ACSM3: variants seen among roughly 807,000 people sequenced by gnomAD.
ACSM3 encodes the protein acyl-coenzyme A synthetase ACSM3, mitochondrial.
A neutral mutation model predicts 74.1 loss-of-function variants in ACSM3; 61 were observed. That is an observed-to-expected ratio of 0.82 (90% CI 0.67 to 1.02). The LOEUF is 1.02. Ranked by LOEUF, ACSM3 falls within the 50% of genes least tolerant of loss-of-function variation. The pLI is 0.00. For synonymous variants in ACSM3, 213 were observed against 241.5 expected, an observed-to-expected ratio of 0.88 and a Z score of 1.09; for missense variants, 660 against 697.0, an observed-to-expected ratio of 0.95 and a Z score of 0.60.
In ACSM3 at chr16:20,739,332, C is replaced by T. The variant is rs541811410; in HGVS notation, c.-189-10578C>T. On this transcript the variant is annotated intron_variant, in intron 1 of 3. Transcript: ENST00000561584. ...CTGTGATTACAGGCGCATGCCACTA[C>T]ACACAGCTAATTTTTGTATTTTTAG... 5.1e-4 allele frequency among the ~76,000 whole-genome samples: 77 copies of T among 152,080 alleles called. No homozygotes were observed. In the South Asian group the frequency reaches 0.016, roughly 31 times the overall value.
intron 1 of ACSM3, chr16:20,681,187 C>T (rs2079439382): frequency 6.6e-6 from 1 of 152,100 alleles, no homozygotes; most frequent in Admixed American, 6.6e-5. Flanking sequence ...AAATTATAAC[C>T]AATGAAACAT....
chr16:20,784,300 T>G (rs1334568056), intron 7 of ACSM3, among the ~76,000 whole-genome samples: 1 of 152,216 alleles, frequency 6.6e-6, no homozygotes, highest in African/African-American at 2.4e-5. Flanking sequence ...CTGTTTCTAG[T>G]GTTCAATATC....
At chr16:20,741,492 CACCCCG>C in intron 1 of ACSM3, 1 of 380,078 alleles carries the variant, frequency 2.6e-6, no homozygotes, top group Non-Finnish European at 3.9e-6. Flanking sequence ...CCCGCCCGCC[CACCCCG>C]GGACCGGTAC....
intron 1 of ACSM3, chr16:20,731,633 T>G (rs2079830960): frequency 2.9e-6 from 1 of 347,590 alleles, no homozygotes; most frequent in Non-Finnish European, 5.2e-6. Context: ...GTGAAAGCTT[T>G]TGTTGTCTTA....
At chr16:20,750,743 A>G (rs2079982807) in intron 2 of ACSM3, among the ~76,000 whole-genome samples, 1 of 151,952 alleles carries the variant, frequency 6.6e-6, no homozygotes. Context: ...TTCTTGTTAC[A>G]ACTTTATTGT....
intron 1 of ACSM3, among the ~76,000 whole-genome samples, chr16:20,718,729 C>G (rs567515352): frequency 5.9e-5 from 9 of 152,302 alleles, no homozygotes; most frequent in African/African-American, 1.9e-4. Flanking sequence ...ACATGTCTGG[C>G]TTCCTTTAAT....
At chr16:20,742,548 C>T (rs2079936389) in intron 1 of ACSM3, among the ~76,000 whole-genome samples, 1 of 150,662 alleles carries the variant, frequency 6.6e-6, no homozygotes, top group African/African-American at 2.4e-5. Context: ...GAGGCTGAGG[C>T]AGGGGAATCA....
Position 20,752,113 on chromosome 16 carries a change from C to A in ACSM3, c.-96+2110C>A, listed in dbSNP as rs1179118777. Among the ~76,000 whole-genome samples the A allele has an allele frequency of 5.9e-5, 9 of 152,170 alleles. No individual in the cohort carries two copies. In the East Asian group the frequency reaches 1.7e-3, roughly 29 times the overall value. ...GCTGAGGCAGGAGAATGGTGTGAAC[C>A]CGGGAGGCAGAGCTTGCAGTTAGCC... On this transcript the variant is annotated intron_variant, in intron 2 of 3. Coordinates refer to the ACSM3 transcript ENST00000561584.
intron 9 of ACSM3, among the ~76,000 whole-genome samples, chr16:20,787,331 T>C (rs541864665): frequency 6.6e-6 from 1 of 152,308 alleles, no homozygotes; most frequent in Admixed American, 6.5e-5. Flanking sequence ...ATTGTAAAGT[T>C]GGGAAATAGT....
chr16:20,697,465 T>C lies in ACSM3; in HGVS notation c.-190+22643T>C, dbSNP rs187125875. On this transcript the variant is annotated intron_variant, in intron 1 of 3. Transcript: ENST00000561584. ...CTCTCACCCAATATCACCATTGTCATTTTGCCTCTAAAATGAAGTGCCAAG... is the reference window on the plus strand; with the variant it reads ...CTCTCACCCAATATCACCATTGTCACTTTGCCTCTAAAATGAAGTGCCAAG... Among the ~76,000 whole-genome samples, 3 of 152,024 alleles carry C rather than the reference T, an allele frequency of 2.0e-5. No homozygotes were observed. In the East Asian group the frequency reaches 5.8e-4, roughly 30 times the overall value.
chr16:20,704,029 G>A (rs1387064511), intron 1 of ACSM3: 1 of 152,138 alleles, frequency 6.6e-6, no homozygotes, highest in Non-Finnish European at 1.5e-5. Context: ...ACAGGGAAAC[G>A]AAAAGATAGA....
At chr16:20,731,896 A>C (rs1466009150) in intron 1 of ACSM3, among the ~76,000 whole-genome samples, 1 of 152,244 alleles carries the variant, frequency 6.6e-6, no homozygotes, top group East Asian at 1.9e-4. Flanking sequence ...TTGTTAGAAC[A>C]GTATAAATGC....
intron 1 of ACSM3, chr16:20,741,481 G>GGGGGGGGGGGGGCCCCCC: frequency 5.4e-6 from 7 of 1,308,406 alleles, no homozygotes; most frequent in Middle Eastern, 2.9e-4. Context: ...CTGGCAGCCG[G>GGGGGGGGGGGGGCCCCCC]CCCGCCCGCC....
At chr16:20,693,947 T>G (rs1229456130) in intron 1 of ACSM3, among the ~76,000 whole-genome samples, 1 of 152,260 alleles carries the variant, frequency 6.6e-6, no homozygotes, top group Non-Finnish European at 1.5e-5. Flanking sequence ...AGTCCTGTGC[T>G]AAGATTCTTA....
At chr16:20,675,305 G>A (rs780894212) in intron 1 of ACSM3, among the ~76,000 whole-genome samples, 4 of 152,164 alleles carry the variant, frequency 2.6e-5, no homozygotes, top group Admixed American at 6.5e-5. Flanking sequence ...AGGCCAATGC[G>A]GGGAGTAATG....
intron 1 of ACSM3, among the ~76,000 whole-genome samples, chr16:20,748,311 TCCTC>T (rs946631732): frequency 4.6e-5 from 7 of 152,128 alleles, no homozygotes; most frequent in Non-Finnish European, 8.8e-5. Flanking sequence ...GGAAGCCACA[TCCTC>T]AGTAAGAGTA....
chr16:20,701,828 T>C (rs995945340), intron 1 of ACSM3, among the ~76,000 whole-genome samples: 4 of 152,238 alleles, frequency 2.6e-5, no homozygotes, highest in Non-Finnish European at 5.9e-5. Flanking sequence ...TTGCTGACAA[T>C]GATGGCTTCC....
chr16:20,781,692 T>G lies in ACSM3; in HGVS notation c.940-16T>G, dbSNP rs753578255. The stretch of plus-strand genomic sequence containing the variant: ...AGTTGTAGTAAGACCAAGAGTTTGC[T>G]TTTTCTAAATTGCAGACACTCTCCA... On this transcript the variant is annotated splice_polypyrimidine_tract_variant and intron_variant, in intron 6 of 13. Transcript: ENST00000289416. 7 of 1,600,152 alleles carry G rather than the reference T, an allele frequency of 4.4e-6. No homozygotes were observed. The East Asian group carries it at 1.6e-4, about 36-fold the overall frequency.
Position 20,738,245 on chromosome 16 carries a change from A to C in ACSM3, c.-189-11665A>C, listed in dbSNP as rs542023123. 1.6e-5 allele frequency: 8 copies of C among 490,600 alleles called. No homozygotes were observed. In the East Asian group the frequency reaches 4.1e-4, roughly 25 times the overall value. 30.4% of individuals were successfully genotyped at this position (490,600 alleles called of 1,614,324 possible). On this transcript the variant is annotated intron_variant, in intron 1 of 3. Coordinates refer to the ACSM3 transcript ENST00000561584. ...TTTTTGTGATGTCCTGAGTTATCCA[A>C]CCGTAACACCATGCTGTTGTTTTCC... is the stretch of plus-strand genomic sequence containing the variant.
Sources: allele counts gnomAD v4.1 joint callset (sites outside exome capture counted in the v4.1 genomes callset), GRCh38; gene constraint gnomAD v4.1.1; transcripts MANE v1.5; gene names NCBI Gene and HGNC (gene_info 2026-07-23, HGNC 2026-07-21).